Variants in ROBO2 observed in about 807,000 individuals in gnomAD.
ROBO2 encodes the protein roundabout homolog 2.
Under a neutral mutation model 160.8 loss-of-function variants are expected in ROBO2, and 53 were observed. The observed-to-expected ratio is 0.33, with a 90% CI of 0.26 to 0.41. ROBO2 has a LOEUF of 0.41. Ranked by LOEUF, ROBO2 falls within the 10% of genes least tolerant of loss-of-function variation. The pLI, the probability that ROBO2 is intolerant of heterozygous loss-of-function variation, is 1.00. For missense variants in ROBO2, 1,577 were observed against 1,722.4 expected, an observed-to-expected ratio of 0.92 and a Z score of 1.49; for synonymous variants, 664 against 611.7, an observed-to-expected ratio of 1.09 and a Z score of -1.26.
chr3:77,374,167 A>T (rs13080526), intron 2 of ROBO2, among the ~76,000 whole-genome samples: 2 of 60,438 alleles, frequency 3.3e-5, no homozygotes, highest in East Asian at 1.1e-3. Context: ...GCGAGACTCC[A>T]TCAAAAAAAA....
chr3:77,112,863 A>T (rs1014424850), intron 2 of ROBO2, among the ~76,000 whole-genome samples: 2 of 152,180 alleles, frequency 1.3e-5, no homozygotes, highest in Non-Finnish European at 2.9e-5. Context: ...AAACCTAAAA[A>T]GTTGCATAAA....
intron 2 of ROBO2, among the ~76,000 whole-genome samples, chr3:76,479,050 T>C (rs2079080412): frequency 6.6e-6 from 1 of 152,120 alleles, no homozygotes; most frequent in African/African-American, 2.4e-5. Context: ...CATGGGAAAA[T>C]GGCCTCTGCT....
intron 2 of ROBO2, among the ~76,000 whole-genome samples, chr3:76,953,011 C>A (rs2079046620): frequency 6.6e-6 from 1 of 152,112 alleles, no homozygotes; most frequent in African/African-American, 2.4e-5. Context: ...ACCATTCTGA[C>A]AAAAATCATG....
At chr3:76,223,947 A>T (rs1040805455) in intron 2 of ROBO2, among the ~76,000 whole-genome samples, 1 of 152,228 alleles carries the variant, frequency 6.6e-6, no homozygotes, top group South Asian at 2.1e-4. Context: ...GAAATAGCTA[A>T]TATAAATATT....
chr3:76,671,154 T>C (rs1170916873), intron 2 of ROBO2, among the ~76,000 whole-genome samples: 1 of 152,146 alleles, frequency 6.6e-6, no homozygotes, highest in East Asian at 1.9e-4. Context: ...GCAGAAATAA[T>C]TAGTGGATAC....
intron 2 of ROBO2, among the ~76,000 whole-genome samples, chr3:77,465,689 C>T (rs1196970102): frequency 6.6e-6 from 1 of 152,130 alleles, no homozygotes; most frequent in African/African-American, 2.4e-5. Flanking sequence ...TATTTACATA[C>T]TTTTGGGTAA....
At position 77,099,626 on chromosome 3, in the gene ROBO2, T is replaced by C. The variant is rs139033435; in HGVS notation, c.388+1286T>C. ...AAATACACACACAAAAATTCAAGAATGCAAATATCCATACCTGTTCCATTT... is the reference window on the plus strand; with the variant it reads ...AAATACACACACAAAAATTCAAGAACGCAAATATCCATACCTGTTCCATTT... On this transcript the variant is annotated intron_variant, in intron 2 of 25. Coordinates refer to ENST00000461745, the Ensembl canonical transcript of ROBO2. Among the ~76,000 whole-genome samples the C allele has an allele frequency of 9.2e-3, 1,405 of 152,326 alleles. 11 individuals carry two copies. The highest frequency in any genetic ancestry group is 0.027 in the Middle Eastern group (8 of 294).
intron 24 of ROBO2, among the ~76,000 whole-genome samples, chr3:77,640,204 C>T (rs1480816682): frequency 1.4e-5 from 2 of 140,026 alleles, no homozygotes; most frequent in Non-Finnish European, 1.5e-5. Flanking sequence ...ATCCGCCTCC[C>T]GGGTTCACGC....
chr3:76,185,333 A>G (rs1701711615), intron 2 of ROBO2, among the ~76,000 whole-genome samples: 1 of 151,346 alleles, frequency 6.6e-6, no homozygotes, highest in Non-Finnish European at 1.5e-5. Context: ...CATTGCTTTA[A>G]GTTGCATCTG....
intron 2 of ROBO2, among the ~76,000 whole-genome samples, chr3:76,133,684 G>A (rs1032379908): frequency 6.6e-6 from 1 of 152,086 alleles, no homozygotes; most frequent in Non-Finnish European, 1.5e-5. Flanking sequence ...GAAGAACTTC[G>A]AGTTGGAGTC....
chr3:76,750,784 T>A (rs927883799), intron 2 of ROBO2, among the ~76,000 whole-genome samples: 1 of 151,940 alleles, frequency 6.6e-6, no homozygotes. Flanking sequence ...TACTGCTCAA[T>A]GAAATAAAAG....
At chr3:76,644,878 T>C (rs78443842) in intron 2 of ROBO2, among the ~76,000 whole-genome samples, 2,625 of 152,312 alleles carry the variant, frequency 0.017, 79 homozygotes, top group African/African-American at 0.058. Flanking sequence ...CGCTAAACTT[T>C]TTACATGCAT....
rs565193761 is a variant in ROBO2 at position 77,433,796 on chromosome 3, T to G, written c.389-43618T>G. Among the ~76,000 whole-genome samples the G allele has an allele frequency of 3.3e-5, 5 of 152,084 alleles. No homozygotes were observed. The East Asian group carries it at 9.7e-4, about 30-fold the overall frequency. On this transcript the variant is annotated intron_variant, in intron 2 of 25. Transcript: ENST00000461745. ...TTCAGTCAGAGACTGTCTCAGTAAA[T>G]ACATCCACCATCCATGAAACTTCTA... is the stretch of plus-strand genomic sequence containing the variant.
At chr3:76,275,560 G>A (rs1357989170) in intron 2 of ROBO2, among the ~76,000 whole-genome samples, 1 of 152,088 alleles carries the variant, frequency 6.6e-6, no homozygotes, top group Non-Finnish European at 1.5e-5. Flanking sequence ...AATTTGGACA[G>A]GAATCTTAGC....
intron 2 of ROBO2, among the ~76,000 whole-genome samples, chr3:77,229,665 C>CAA (rs71104661): frequency 0.01 from 1,372 of 133,912 alleles, 10 homozygotes; most frequent in Non-Finnish European, 0.017. Context: ...AGACTGTCTC[C>CAA]AAAAAAAAAA....
intron 2 of ROBO2, among the ~76,000 whole-genome samples, chr3:76,491,095 G>C (rs1022089145): frequency 3.1e-4 from 47 of 151,992 alleles, no homozygotes; most frequent in Non-Finnish European, 4.4e-5. Context: ...AAGTAGCTGG[G>C]ATTACAGGCG....
At chr3:76,256,299 GTCTCTCTCTC>G (rs372215718) in intron 2 of ROBO2, among the ~76,000 whole-genome samples, 7,120 of 92,296 alleles carry the variant, frequency 0.077, 476 homozygotes, top group African/African-American at 0.17. Context: ...GACAGAGTGA[GTCTCTCTCTC>G]TCTCTCTCTC....
At chr3:77,614,519 C>T (rs1367183663) in intron 21 of ROBO2, among the ~76,000 whole-genome samples, 2 of 152,068 alleles carry the variant, frequency 1.3e-5, no homozygotes, top group African/African-American at 4.8e-5. Context: ...AGGAAATATT[C>T]CTATCAAACC....
rs566328373 is a variant in ROBO2, at chr3:76,610,244, C to A, written c.110-487770C>A. ...GTAATGTTACAGGATTCCTTTGGAG[C>A]CGCTTCACCAGCCAGAAAGCTCTGC... On this transcript the variant is annotated intron_variant, in intron 2 of 26. Transcript: ENST00000487694. Among the ~76,000 whole-genome samples, 126 of 152,272 alleles carry A rather than the reference C, an allele frequency of 8.3e-4. 2 individuals carry two copies. The highest frequency in any genetic ancestry group is 2.8e-3 in the African/African-American group (118 of 41,568).
Sources: gnomAD v4.1 joint callset for allele counts (sites outside exome capture counted in the v4.1 genomes callset) on GRCh38, gnomAD v4.1.1 for gene constraint, MANE v1.5 for transcripts, NCBI Gene and HGNC (gene_info 2026-07-23, HGNC 2026-07-21) for gene names.